The following DSCAML1 variants were observed in gnomAD, a reference collection of about 807,000 sequenced individuals.
DSCAML1 encodes DS cell adhesion molecule like 1.
In DSCAML1, 38 loss-of-function variants were observed where a neutral mutation model predicts 200.5. The ratio of observed to expected loss-of-function variants is 0.19; its 90% CI spans 0.15 to 0.25. The LOEUF (loss-of-function observed/expected upper bound fraction) is 0.25, where lower values mean the gene tolerates loss of function less well. Ranked by LOEUF, DSCAML1 falls within the 10% of genes least tolerant of loss-of-function variation. The pLI is 1.00. For missense variants in DSCAML1, 2,223 were observed against 2,858.8 expected (o/e 0.78, Z 5.07); for synonymous variants, 1,215 against 1,165.0 (o/e 1.04, Z -0.87).
At position 117,701,266 on chromosome 11, in the gene DSCAML1, AAAATAAAT is replaced by A. The variant is rs60286619; in HGVS notation, c.511+75517_511+75524del. Among the ~76,000 whole-genome samples, 881 of 150,950 alleles carry A rather than the reference AAAATAAAT, an allele frequency of 5.8e-3. 9 individuals are homozygous for A. Among genetic ancestry groups the A allele is most frequent in the African/African-American group, 0.018 (752 of 40,896 alleles). On this transcript the variant is annotated intron_variant, in intron 3 of 32. Coordinates refer to ENST00000651296, the MANE Select transcript of DSCAML1 (RefSeq NM_020693.4). Reference sequence around the variant, plus strand: ...GGGCAACAGAGCAAGACTCCATCTCAAAATAAATAAATAAATAAATAAATAAATAAGGC... The same window carrying A: ...GGGCAACAGAGCAAGACTCCATCTCAAAATAAATAAATAAATAAATAAGGC...
intron 3 of DSCAML1, among the ~76,000 whole-genome samples, chr11:117,604,181 C>T (rs1279587733): frequency 6.6e-6 from 1 of 152,228 alleles, no homozygotes; most frequent in South Asian, 2.1e-4. Flanking sequence ...ACTTGCACGG[C>T]ATCTGACCCA....
intron 11 of DSCAML1, among the ~76,000 whole-genome samples, chr11:117,483,613 A>G (rs1400780847): frequency 6.6e-6 from 1 of 152,204 alleles, no homozygotes; most frequent in East Asian, 1.9e-4. Flanking sequence ...GCTGGGAGAA[A>G]TGCACGGCCC....
At chr11:117,535,947 G>T (rs567704025) in intron 3 of DSCAML1, among the ~76,000 whole-genome samples, 17 of 151,830 alleles carry the variant, frequency 1.1e-4, no homozygotes, top group Non-Finnish European at 2.1e-4. Flanking sequence ...GGGGAGCTAG[G>T]GTTTCTATAG....
In DSCAML1 at chr11:117,505,388, G is replaced by C; in HGVS notation, c.2062+66C>G. 1 of 1,566,216 alleles carries C rather than the reference G, an allele frequency of 6.4e-7. No individual in the cohort carries two copies. Among genetic ancestry groups the C allele is most frequent in the African/African-American group, 1.3e-5 (1 of 74,184 alleles). The stretch of plus-strand genomic sequence containing the variant: ...GCCCGTGATTGGAACTGGAAATCTA[G>C]AGACTGCAGTAGCAGCAGGCAGAAT... On this transcript the variant is annotated intron_variant, in intron 9 of 32. Coordinates refer to ENST00000651296, the MANE Select transcript of DSCAML1 (RefSeq NM_020693.4). This position sits in a 1 kb window ranked among gnomAD's most constrained non-coding sequence, Gnocchi z 6.7.
At chr11:117,617,548 T>C (rs953082185) in intron 3 of DSCAML1, among the ~76,000 whole-genome samples, 1 of 152,182 alleles carries the variant, frequency 6.6e-6, no homozygotes, top group Non-Finnish European at 1.5e-5. Flanking sequence ...TAGAATAGTC[T>C]GCGCAATTAA....
intron 3 of DSCAML1, among the ~76,000 whole-genome samples, chr11:117,747,560 A>T (rs965730929): frequency 6.6e-6 from 1 of 152,226 alleles, no homozygotes; most frequent in African/African-American, 2.4e-5. Context: ...AAATGCAGGA[A>T]TGCGTAAAGA....
chr11:117,544,971 C>T (rs1460235761), intron 3 of DSCAML1, among the ~76,000 whole-genome samples: 1 of 152,064 alleles, frequency 6.6e-6, no homozygotes, highest in Non-Finnish European at 1.5e-5. Context: ...GTGGCTCATG[C>T]CTGTAATCCC....
At chr11:117,617,184 G>C (rs2051826485) in intron 3 of DSCAML1, among the ~76,000 whole-genome samples, 1 of 152,146 alleles carries the variant, frequency 6.6e-6, no homozygotes, top group South Asian at 2.1e-4. Context: ...GCTGGTAAGG[G>C]GTTGGGGAGC....
Position 117,532,415 on chromosome 11 carries a change from C to G in DSCAML1, c.619G>C (p.Glu207Gln). The G allele has an allele frequency of 6.2e-7, 1 of 1,614,148 alleles. No individual in the cohort carries two copies. The highest frequency in any genetic ancestry group is 1.3e-5 in the African/African-American group (1 of 75,050). The change falls in exon 4 of 33, where the codon GAG (glutamate) becomes CAG (glutamine). Residue 207 changes from glutamate (E) to glutamine (Q), a missense_variant. This residue lies in a region of DSCAML1 where 579 missense variants were observed against 721.5 expected (regional missense o/e 0.80). Coordinates refer to ENST00000651296, the MANE Select transcript of DSCAML1 (RefSeq NM_020693.4). ...CGTGCCCCATTGCTCTGCCGGGTCT[C>G]CCCGCTATACTTGTGCTTGGTGATG... is the stretch of plus-strand genomic sequence containing the variant. ...RCITKHKYSG[E>Q]TRQSNGARLS...
At chr11:117,574,075 G>A (rs1045392354) in intron 3 of DSCAML1, among the ~76,000 whole-genome samples, 1 of 152,188 alleles carries the variant, frequency 6.6e-6, no homozygotes, top group Non-Finnish European at 1.5e-5. Context: ...GGGAGGGAAG[G>A]GGGGCCAGTG....
At position 117,776,928 on chromosome 11, in the gene DSCAML1, T is replaced by A; in HGVS notation, c.374A>T (p.Glu125Val). The A allele has an allele frequency of 1.2e-6, 2 of 1,613,860 alleles. No homozygotes were observed. Among genetic ancestry groups the A allele is most frequent in the Non-Finnish European group, 1.7e-6 (2 of 1,180,010 alleles). The change falls in exon 3 of 33, where the codon GAA (glutamate) becomes GTA (valine). Residue 125 changes from glutamate to valine, a missense_variant. Glu to Val is a moderately radical substitution (Grantham distance 121, BLOSUM62 -2). This residue lies in a region of DSCAML1 where 579 missense variants were observed against 721.5 expected (regional missense o/e 0.80). Transcript: ENST00000651296. ...ATCCTCCACCCGGACGGTGTAGGGTTCCCTGAAAACTGCAGAGAGATTGGC... is the reference window on the plus strand; with the variant it reads ...ATCCTCCACCCGGACGGTGTAGGGTACCCTGAAAACTGCAGAGAGATTGGC... ...PNIRVKAVFREPYTVRVEDQR... is the reference protein window; with the variant it reads ...PNIRVKAVFRVPYTVRVEDQR...
At chr11:117,719,658 T>A (rs1455643308) in intron 3 of DSCAML1, among the ~76,000 whole-genome samples, 1 of 152,212 alleles carries the variant, frequency 6.6e-6, no homozygotes. Context: ...ATTTTATAGA[T>A]GACAAAACTA....
intron 3 of DSCAML1, among the ~76,000 whole-genome samples, chr11:117,775,563 A>G (rs2055116150): frequency 6.6e-6 from 1 of 152,086 alleles, no homozygotes; most frequent in African/African-American, 2.4e-5. Flanking sequence ...TGAGAGAAGG[A>G]AAAAGTACTG....
intron 11 of DSCAML1, among the ~76,000 whole-genome samples, chr11:117,502,830 C>A (rs570509980): frequency 3.5e-4 from 54 of 152,298 alleles, no homozygotes; most frequent in Admixed American, 7.2e-4. Context: ...ACGGGTAAGG[C>A]CCTATTACGA....
intron 3 of DSCAML1, among the ~76,000 whole-genome samples, chr11:117,546,980 T>A (rs1444853383): frequency 6.6e-6 from 1 of 151,978 alleles, no homozygotes; most frequent in Non-Finnish European, 1.5e-5. Flanking sequence ...TAGACATGCA[T>A]GAGAGGGGCG....
At chr11:117,757,149 A>G (rs941283945) in intron 3 of DSCAML1, among the ~76,000 whole-genome samples, 2 of 152,222 alleles carry the variant, frequency 1.3e-5, no homozygotes, top group Non-Finnish European at 2.9e-5. Context: ...GACTCCCTGA[A>G]AAAGCAAAAA....
chr11:117,480,391 G>GC lies in DSCAML1; in HGVS notation c.2785+51dup. The GC allele has an allele frequency of 6.2e-7, 1 of 1,606,518 alleles. No homozygotes were observed. Among genetic ancestry groups the GC allele is most frequent in the Non-Finnish European group, 8.5e-7 (1 of 1,176,444 alleles). Reference sequence around the variant, plus strand: ...CCAGAGGGCACAGGCAGGACACGTGGCACAAGGGGCCATGGCAGGCCACGC... The same window carrying GC: ...CCAGAGGGCACAGGCAGGACACGTGGCCACAAGGGGCCATGGCAGGCCACGC... On this transcript the variant is annotated intron_variant, in intron 14 of 32. Coordinates refer to ENST00000651296, the MANE Select transcript of DSCAML1 (RefSeq NM_020693.4). This position sits in a 1 kb window ranked among gnomAD's most constrained non-coding sequence, Gnocchi z 4.1.
chr11:117,520,752 G>T (rs1484632092), intron 6 of DSCAML1, among the ~76,000 whole-genome samples: 1 of 151,986 alleles, frequency 6.6e-6, no homozygotes, highest in South Asian at 2.1e-4. Context: ...TAAAAAATTA[G>T]CCAGGTGAAC....
chr11:117,789,688 G>A (rs191875620), intron 1 of DSCAML1, among the ~76,000 whole-genome samples: 79 of 152,280 alleles, frequency 5.2e-4, no homozygotes, highest in Non-Finnish European at 9.9e-4. Flanking sequence ...AGATGGGCAG[G>A]ACATCTGCCT....
Sources: gnomAD v4.1 joint callset for allele counts (sites outside exome capture counted in the v4.1 genomes callset) on GRCh38, gnomAD v4.1.1 for gene constraint, gnomAD v4.1.1 regional missense constraint, Gnocchi (gnomAD v3.1) non-coding constraint, MANE v1.5 for transcripts, NCBI Gene and HGNC (gene_info 2026-07-23, HGNC 2026-07-21) for gene names.